MAD1L1: variants seen among roughly 807,000 people sequenced by gnomAD.
The protein encoded by MAD1L1 is mitotic spindle assembly checkpoint protein MAD1.
In MAD1L1, 95 loss-of-function variants were observed where a neutral mutation model predicts 96.9. That is an observed-to-expected ratio of 0.98 (90% CI 0.83 to 1.16). The LOEUF (loss-of-function observed/expected upper bound fraction) is 1.16, where lower values mean the gene tolerates loss of function less well. Ranked by LOEUF, MAD1L1 falls within the 50% of genes most tolerant of loss-of-function variation. The probability of loss-of-function intolerance (pLI) is 0.00; values close to 1 mark genes in which losing one functional copy is unlikely to be tolerated. For synonymous variants in MAD1L1, 473 were observed against 396.6 expected (o/e 1.19, Z -2.29); for missense variants, 1,007 against 954.4 (o/e 1.06, Z -0.73).
At position 1,857,578 on chromosome 7, in the gene MAD1L1, A is replaced by G. The variant is rs548542171; in HGVS notation, c.1998+40622T>C. Among the ~76,000 whole-genome samples the G allele has an allele frequency of 3.3e-5, 5 of 152,320 alleles. No homozygotes were observed. In the South Asian group the frequency reaches 1.0e-3, roughly 32 times the overall value. ...GCTGCGGCTGGGATGAACGGGGCTCAGGTGAGGGGGCTGGGCCCGAGGATG... is the reference window on the plus strand; with the variant it reads ...GCTGCGGCTGGGATGAACGGGGCTCGGGTGAGGGGGCTGGGCCCGAGGATG... On this transcript the variant is annotated intron_variant, in intron 18 of 18. Transcript: ENST00000265854.
intron 11 of MAD1L1, among the ~76,000 whole-genome samples, chr7:2,130,973 A>G (rs1046654848): frequency 1.1e-4 from 16 of 152,220 alleles, no homozygotes; most frequent in East Asian, 7.7e-4. Flanking sequence ...GTCTACATGA[A>G]TGATCCGGAA....
chr7:1,953,467 C>A (rs1045702747), intron 16 of MAD1L1, among the ~76,000 whole-genome samples: 4 of 152,326 alleles, frequency 2.6e-5, no homozygotes, highest in Non-Finnish European at 4.4e-5. Flanking sequence ...TGACCACCAA[C>A]CTGCCCAAAC....
intron 17 of MAD1L1, among the ~76,000 whole-genome samples, chr7:1,914,774 C>T (rs907894110): frequency 1.3e-4 from 9 of 70,364 alleles, no homozygotes; most frequent in East Asian, 8.7e-4. Flanking sequence ...CTACCACACC[C>T]GGCTAATTAT....
chr7:2,167,870 TAAAAC>T (rs775146387), intron 10 of MAD1L1, among the ~76,000 whole-genome samples: 4 of 152,102 alleles, frequency 2.6e-5, no homozygotes, highest in Non-Finnish European at 4.4e-5. Flanking sequence ...CTCTGCCTCT[TAAAAC>T]AAAAATTTTT....
At chr7:2,158,698 T>G (rs930553155) in intron 10 of MAD1L1, among the ~76,000 whole-genome samples, 3 of 152,238 alleles carry the variant, frequency 2.0e-5, no homozygotes, top group South Asian at 2.1e-4. Context: ...TTCTGGCTGA[T>G]GCAACACAAT....
chr7:2,075,696 CT>C (rs1447616011), intron 11 of MAD1L1, among the ~76,000 whole-genome samples: 1 of 152,208 alleles, frequency 6.6e-6, no homozygotes, highest in Middle Eastern at 3.2e-3. Flanking sequence ...TTAATGTGAT[CT>C]TCATCAGAAA....
At position 1,883,641 on chromosome 7, in the gene MAD1L1, C is replaced by T. The variant is rs375012237; in HGVS notation, c.1998+14559G>A. Among the ~76,000 whole-genome samples, 569 of 152,334 alleles carry T rather than the reference C, an allele frequency of 3.7e-3. 4 individuals are homozygous for T. The highest frequency in any genetic ancestry group is 0.013 in the African/African-American group (544 of 41,574). On this transcript the variant is annotated intron_variant, in intron 18 of 18. Transcript: ENST00000265854. ...ACAATCCACACAAAACACTTCTGCC[C>T]TGTCCAGGGCGGCAAAGAGGGTACC...
intron 18 of MAD1L1, among the ~76,000 whole-genome samples, chr7:1,889,302 A>C (rs1786390087): frequency 6.6e-6 from 1 of 152,216 alleles, no homozygotes; most frequent in Non-Finnish European, 1.5e-5. Flanking sequence ...TCCATTCAGC[A>C]AACACTCGGG....
At chr7:1,922,945 G>A (rs1788882835) in intron 17 of MAD1L1, among the ~76,000 whole-genome samples, 1 of 152,186 alleles carries the variant, frequency 6.6e-6, no homozygotes, top group South Asian at 2.1e-4. Flanking sequence ...ACCCAGCCTT[G>A]CACTCTCAGA....
chr7:1,894,951 T>C (rs1455193922), intron 18 of MAD1L1, among the ~76,000 whole-genome samples: 1 of 152,066 alleles, frequency 6.6e-6, no homozygotes, highest in Non-Finnish European at 1.5e-5. Flanking sequence ...TTAGGCCCCC[T>C]GGGGACCCTC....
Position 2,004,677 on chromosome 7 carries a change from C to T in MAD1L1, c.1360-2556G>A, listed in dbSNP as rs536011826. On this transcript the variant is annotated intron_variant, in intron 13 of 18. Coordinates refer to ENST00000265854, the MANE Select transcript of MAD1L1 (RefSeq NM_001013836.2). ...CAGCCTCAGCCTTCACAGCCTCCGG[C>T]GCCACGCGGGCAGGCTGCAGGCATT... 2.8e-4 allele frequency among the ~76,000 whole-genome samples: 42 copies of T among 152,342 alleles called. 2 individuals are homozygous for T. The East Asian group carries it at 4.4e-3, about 16-fold the overall frequency.
chr7:2,007,964 A>G (rs1010037080), intron 13 of MAD1L1, among the ~76,000 whole-genome samples: 11 of 152,274 alleles, frequency 7.2e-5, no homozygotes, highest in Admixed American at 4.6e-4. Context: ...GATGACAGAC[A>G]CAGCAACTGC....
chr7:2,197,784 G>A (rs1195544891), intron 10 of MAD1L1, among the ~76,000 whole-genome samples: 1 of 152,216 alleles, frequency 6.6e-6, no homozygotes, highest in Non-Finnish European at 1.5e-5. Flanking sequence ...GCCTGACATC[G>A]GCTGCTGTCT....
chr7:2,145,280 G>A (rs1789241003), intron 11 of MAD1L1, among the ~76,000 whole-genome samples: 1 of 152,230 alleles, frequency 6.6e-6, no homozygotes, highest in African/African-American at 2.4e-5. Context: ...TGCAGCACCT[G>A]AGCAAACCCG....
At chr7:2,001,860 T>TC (rs1171871517) in intron 14 of MAD1L1, among the ~76,000 whole-genome samples, 12 of 151,648 alleles carry the variant, frequency 7.9e-5, no homozygotes, top group South Asian at 2.1e-4. Flanking sequence ...GGGGCTGTGC[T>TC]CCCCGCCGGC....
At chr7:2,191,808 G>C (rs530545249) in intron 10 of MAD1L1, among the ~76,000 whole-genome samples, 1 of 150,848 alleles carries the variant, frequency 6.6e-6, no homozygotes, top group Non-Finnish European at 1.5e-5. Context: ...CAAGACAGGC[G>C]GATCATGAGG....
chr7:1,993,245 C>G (rs1025922442), intron 14 of MAD1L1, among the ~76,000 whole-genome samples: 1 of 152,162 alleles, frequency 6.6e-6, no homozygotes, highest in Non-Finnish European at 1.5e-5. Flanking sequence ...GATTCTAAAC[C>G]ACCCAGGAAT....
chr7:1,844,653 G>A (rs1029265191), intron 18 of MAD1L1, among the ~76,000 whole-genome samples: 1 of 152,200 alleles, frequency 6.6e-6, no homozygotes, highest in African/African-American at 2.4e-5. Flanking sequence ...AAGCTGGGGG[G>A]AGTCCAGGGC....
At chr7:2,007,609 G>T (rs993127105) in intron 13 of MAD1L1, among the ~76,000 whole-genome samples, 2 of 152,216 alleles carry the variant, frequency 1.3e-5, no homozygotes, top group East Asian at 3.8e-4. Flanking sequence ...GGCAAGCGGA[G>T]GCTGCAGTGA....
Sources: gnomAD v4.1 joint callset for allele counts (sites outside exome capture counted in the v4.1 genomes callset) on GRCh38, gnomAD v4.1.1 for gene constraint, MANE v1.5 for transcripts, NCBI Gene and HGNC (gene_info 2026-07-23, HGNC 2026-07-21) for gene names.